The following SLC27A6 variants were observed in gnomAD, a reference collection of about 807,000 sequenced individuals.
The protein encoded by SLC27A6 is solute carrier family 27 member 6.
SLC27A6 carries 74 observed loss-of-function variants against 63.9 expected under a neutral mutation model. The ratio of observed to expected loss-of-function variants is 1.16; its 90% CI spans 0.96 to 1.40. The LOEUF (loss-of-function observed/expected upper bound fraction) is 1.40. Ranked by LOEUF, SLC27A6 falls within the 40% of genes most tolerant of loss-of-function variation. SLC27A6 has a pLI of 0.00. For missense variants in SLC27A6, 794 were observed against 732.9 expected (o/e 1.08, Z -0.96); for synonymous variants, 287 against 260.8 (o/e 1.10, Z -0.97).
intron 4 of SLC27A6, among the ~76,000 whole-genome samples, chr5:129,011,283 C>T (rs1751718869): frequency 6.6e-6 from 1 of 152,148 alleles, no homozygotes; most frequent in Admixed American, 6.5e-5. Flanking sequence ...CCATTTGTTC[C>T]ATGTCCTTGC....
At chr5:129,025,258 C>T (rs563716958) in intron 6 of SLC27A6, among the ~76,000 whole-genome samples, 2 of 152,086 alleles carry the variant, frequency 1.3e-5, no homozygotes, top group African/African-American at 4.8e-5. Context: ...TATGAATACA[C>T]TGTGACCTAT....
chr5:128,983,483 T>C (rs258001), intron 1 of SLC27A6, among the ~76,000 whole-genome samples: 131,167 of 151,604 alleles, frequency 0.87, 56,930 homozygotes, highest in East Asian at 0.97. Context: ...TTAGTAGAGA[T>C]GGGGTTTCAC....
At chr5:129,033,071 A>G (rs1752460546) in intron 9 of SLC27A6, 35 bp from the exon 10 acceptor site, 3 of 1,467,656 alleles carry the variant, frequency 2.0e-6, no homozygotes, top group African/African-American at 2.8e-5. Flanking sequence ...TATAGTTATT[A>G]AATGATTCTA....
At chr5:128,976,964 T>C (rs946436569) in intron 1 of SLC27A6, among the ~76,000 whole-genome samples, 3 of 152,192 alleles carry the variant, frequency 2.0e-5, no homozygotes, top group Admixed American at 6.5e-5. Context: ...ATCTGAAGCC[T>C]TGTGGGTGCC....
intron 2 of SLC27A6, among the ~76,000 whole-genome samples, chr5:128,986,559 G>A (rs1750793601): frequency 6.6e-6 from 1 of 152,058 alleles, no homozygotes; most frequent in Non-Finnish European, 1.5e-5. Flanking sequence ...ATCCCTTTTA[G>A]ACTGGAGAAT....
chr5:129,017,389 A>G (rs148480314), intron 5 of SLC27A6, among the ~76,000 whole-genome samples: 21 of 152,242 alleles, frequency 1.4e-4, no homozygotes, highest in African/African-American at 5.1e-4. Context: ...TATGAGCTAA[A>G]TCATAAAGAA....
At chr5:129,015,420 A>G (rs887854502) in intron 4 of SLC27A6, among the ~76,000 whole-genome samples, 1 of 152,224 alleles carries the variant, frequency 6.6e-6, no homozygotes, top group African/African-American at 2.4e-5. Flanking sequence ...TATACACTAC[A>G]GTATATAAGG....
At chr5:129,015,357 G>A (rs2150149582) in intron 4 of SLC27A6, among the ~76,000 whole-genome samples, 1 of 152,198 alleles carries the variant, frequency 6.6e-6, no homozygotes, top group South Asian at 2.1e-4. Context: ...ATATTACTTT[G>A]ATTCTATGGC....
intron 8 of SLC27A6, among the ~76,000 whole-genome samples, chr5:129,029,363 A>T (rs1752343368): frequency 6.6e-6 from 1 of 152,012 alleles, no homozygotes; most frequent in Non-Finnish European, 1.5e-5. Context: ...AGTATAGGCA[A>T]TTAGAGATAG....
chr5:129,005,713 C>T (rs6891849), intron 4 of SLC27A6, among the ~76,000 whole-genome samples: 3,557 of 147,510 alleles, frequency 0.024, 144 homozygotes, highest in African/African-American at 0.084. Context: ...CCTGGGTTCA[C>T]GCCATTCTCC....
intron 9 of SLC27A6, among the ~76,000 whole-genome samples, chr5:129,032,025 T>G (rs993187644): frequency 6.6e-6 from 1 of 151,968 alleles, no homozygotes; most frequent in Non-Finnish European, 1.5e-5. Context: ...TCTCTACATG[T>G]CATCTCACTT....
In SLC27A6 at chr5:128,985,278, C is replaced by T. The variant is rs911300580; in HGVS notation, c.627C>T (p.His209=). Residue 209 remains histidine, a synonymous_variant, in exon 2 of 10, where the codon CAC becomes CAT. Coordinates refer to ENST00000262462, the MANE Select transcript of SLC27A6 (RefSeq NM_001017372.3). ...CTGATGAGCCCGTGCCACGCAGCCA[C>T]CATGTTGTCTCACTCCTCAAGTCTA... ...TSPDEPVPRS[H]HVVSLLKSTC... is the part of the protein sequence containing the mutation. The T allele has an allele frequency of 5.6e-6, 9 of 1,614,126 alleles. No homozygotes were observed. The highest frequency in any genetic ancestry group is 7.6e-6 in the Non-Finnish European group (9 of 1,180,008).
chr5:128,990,143 A>G (rs1750928326), intron 3 of SLC27A6, among the ~76,000 whole-genome samples, 197 bp from the exon 4 acceptor site: 2 of 152,224 alleles, frequency 1.3e-5, no homozygotes, highest in Non-Finnish European at 2.9e-5. Context: ...AAAATTTAGA[A>G]TTACAATATT....
chr5:128,966,673 ACC>A, intron 1 of SLC27A6, 55 bp downstream of exon 1: 1 of 1,365,248 alleles, frequency 7.3e-7, no homozygotes, highest in Non-Finnish European at 9.5e-7. Context: ...CTGCTTTCAT[ACC>A]CTTTTTTTTT....
At chr5:128,970,629 T>C (rs1561608046) in intron 1 of SLC27A6, among the ~76,000 whole-genome samples, 2 of 152,116 alleles carry the variant, frequency 1.3e-5, no homozygotes, top group Non-Finnish European at 2.9e-5. Context: ...TTTTATTGTG[T>C]CTATTTGACT....
intron 6 of SLC27A6, among the ~76,000 whole-genome samples, chr5:129,025,011 G>A (rs899604194): frequency 6.6e-6 from 1 of 152,134 alleles, no homozygotes; most frequent in Admixed American, 6.6e-5. Flanking sequence ...TTTCTGAGCA[G>A]AGTGCAAAGA....
intron 3 of SLC27A6, among the ~76,000 whole-genome samples, chr5:128,989,184 C>A (rs879255970): frequency 6.6e-6 from 1 of 152,184 alleles, no homozygotes; most frequent in African/African-American, 2.4e-5. Flanking sequence ...AGCCTAGATT[C>A]AAGATTCCAG....
chr5:129,021,472 T>C (rs1752073917), intron 5 of SLC27A6, among the ~76,000 whole-genome samples: 1 of 152,138 alleles, frequency 6.6e-6, no homozygotes, highest in South Asian at 2.1e-4. Context: ...CAAAGATACG[T>C]GGGTGTGGAT....
intron 3 of SLC27A6, among the ~76,000 whole-genome samples, chr5:128,989,591 C>G (rs190787401): frequency 6.6e-6 from 1 of 152,240 alleles, no homozygotes; most frequent in Admixed American, 6.5e-5. Flanking sequence ...TTTGTTAGTA[C>G]TATCTTGCTA....
Sources: gnomAD v4.1 joint callset for allele counts (sites outside exome capture counted in the v4.1 genomes callset) on GRCh38, gnomAD v4.1.1 for gene constraint, MANE v1.5 for transcripts, NCBI Gene and HGNC (gene_info 2026-07-23, HGNC 2026-07-21) for gene names.